Variants in HINT3 observed in about 807,000 individuals in gnomAD.
The protein encoded by HINT3 is adenosine 5'-monophosphoramidase HINT3.
In HINT3, 16 loss-of-function variants were observed where a neutral mutation model predicts 19.1. That is an observed-to-expected ratio of 0.84 (90% CI 0.57 to 1.27). The LOEUF (loss-of-function observed/expected upper bound fraction) is 1.27. HINT3 is among the 50% of genes most tolerant of loss of function. HINT3 has a pLI of 0.00. For synonymous variants in HINT3, 75 were observed against 84.8 expected, an observed-to-expected ratio of 0.88 and a Z score of 0.63; for missense variants, 197 against 225.8, an observed-to-expected ratio of 0.87 and a Z score of 0.82.
At position 125,956,869 on chromosome 6, in the gene HINT3, GC is replaced by G. The variant is rs1368834393; in HGVS notation, c.-108del. 4.4e-6 allele frequency: 5 copies of G among 1,125,104 alleles called. No individual in the cohort carries two copies. Among genetic ancestry groups the G allele is most frequent in the Non-Finnish European group, 2.5e-6 (2 of 796,082 alleles). The allele number at this position is 1,125,104 out of a possible 1,614,324, so 69.7% of individuals were successfully genotyped here. A position where few individuals can be genotyped will look rare whatever the true frequency, so the allele number is the denominator to read the frequency against. On this transcript the variant is annotated 5_prime_UTR_variant, in exon 1 of 5. Coordinates refer to ENST00000229633, the MANE Select transcript of HINT3 (RefSeq NM_138571.5). ...AGCCTGGATCACCGCCCAGCGTCAGGCGAGGGGCGACGTCTCGAGGTAAAAC... is the reference window on the plus strand; with the variant it reads ...AGCCTGGATCACCGCCCAGCGTCAGGGAGGGGCGACGTCTCGAGGTAAAAC...
At chr6:125,970,460 T>C (rs556101757) in intron 2 of HINT3, among the ~76,000 whole-genome samples, 1 of 152,216 alleles carries the variant, frequency 6.6e-6, no homozygotes, top group Middle Eastern at 3.2e-3. Flanking sequence ...GAGGCTGTTA[T>C]AACTAGTTTT....
In HINT3 at chr6:125,962,163, C is replaced by CACAT. The variant is rs1562211948; in HGVS notation, c.202-4723_202-4722insCATA. Among the ~76,000 whole-genome samples, 13 of 11,256 alleles carry CACAT rather than the reference C, an allele frequency of 1.2e-3. 1 individual carries two copies. Among genetic ancestry groups the CACAT allele is most frequent in the African/African-American group, 0.011 (11 of 964 alleles). 7.4% of individuals were successfully genotyped at this position (11,256 alleles called of 152,430 possible). ...GGATGGAAACCCATATATATATACA[C>CACAT]ATATATATATATATATATATATACA... is the stretch of plus-strand genomic sequence containing the variant. On this transcript the variant is annotated intron_variant, in intron 1 of 4. Coordinates refer to ENST00000229633, the MANE Select transcript of HINT3 (RefSeq NM_138571.5).
Position 125,974,958 on chromosome 6 carries a change from C to G in HINT3, c.501C>G (p.Ser167=). 2 of 1,613,828 alleles carry G rather than the reference C, an allele frequency of 1.2e-6. No homozygotes were observed. Among genetic ancestry groups the G allele is most frequent in the Non-Finnish European group, 1.7e-6 (2 of 1,179,824 alleles). The change falls in exon 4 of 5, where the codon TCC becomes TCG. Residue 167 remains serine, a synonymous_variant. Coordinates refer to ENST00000229633, the MANE Select transcript of HINT3 (RefSeq NM_138571.5). ...FLSKLVYRVN[S]YWFITADHLI... Reference sequence around the variant, plus strand: ...CCAAGTTGGTTTATAGAGTCAATTCCTATTGGTTTATCACAGTGAGTATTC... The same window carrying G: ...CCAAGTTGGTTTATAGAGTCAATTCGTATTGGTTTATCACAGTGAGTATTC...
At chr6:125,962,096 A>C (rs1156690376) in intron 1 of HINT3, among the ~76,000 whole-genome samples, 1 of 149,488 alleles carries the variant, frequency 6.7e-6, no homozygotes, top group African/African-American at 2.5e-5. Context: ...TGGTAACAAA[A>C]GACTGTAACA....
intron 1 of HINT3, among the ~76,000 whole-genome samples, chr6:125,958,301 A>G (rs1717540564): frequency 6.6e-6 from 1 of 152,184 alleles, no homozygotes; most frequent in Non-Finnish European, 1.5e-5. Context: ...GAGGCTGGAG[A>G]GGTAAACAAG....
chr6:125,961,924 A>G (rs1197940244), intron 1 of HINT3, among the ~76,000 whole-genome samples: 1 of 151,892 alleles, frequency 6.6e-6, no homozygotes, highest in Non-Finnish European at 1.5e-5. Context: ...TATGAGGCAG[A>G]ATCCCTTCAG....
Position 125,957,142 on chromosome 6 carries a change from G to T in HINT3, c.165G>T (p.Gly55=). The T allele has an allele frequency of 6.5e-7, 1 of 1,550,160 alleles. No individual in the cohort carries two copies. Among genetic ancestry groups the T allele is most frequent in the Non-Finnish European group, 8.7e-7 (1 of 1,146,574 alleles). Residue 55 remains glycine, a synonymous_variant, in exon 1 of 5, where the codon GGG becomes GGT. Coordinates refer to ENST00000229633, the MANE Select transcript of HINT3 (RefSeq NM_138571.5). ...CCTGCGTGTTCTGCCGGATCGCGGG[G>T]CGGCAGGACCCGGGCACCGAACTCC... ...DSTCVFCRIA[G]RQDPGTELLH... is the part of the protein sequence containing the mutation.
rs539526998 is a variant in HINT3 at position 125,972,396 on chromosome 6, A to G, written c.389+68A>G. ...ACGTTTTTCAAAATGTCATTTCTCCATGGAAAATGGAAACAGAGGTGGCAG... is the reference window on the plus strand; with the variant it reads ...ACGTTTTTCAAAATGTCATTTCTCCGTGGAAAATGGAAACAGAGGTGGCAG... On this transcript the variant is annotated intron_variant, in intron 3 of 4. Coordinates refer to ENST00000229633, the MANE Select transcript of HINT3 (RefSeq NM_138571.5). The G allele has an allele frequency of 7.7e-5, 72 of 939,038 alleles. No homozygotes were observed. In the African/African-American group the frequency reaches 1.2e-3, roughly 16 times the overall value. The allele number at this position is 939,038 out of a possible 1,614,324, so 58.2% of individuals were successfully genotyped here. A position where few individuals can be genotyped will look rare whatever the true frequency, so the allele number is the denominator to read the frequency against.
rs181030637 is a variant in HINT3 at position 125,977,601 on chromosome 6, G to T, written c.517-43G>T. 125 of 1,026,890 alleles carry T rather than the reference G, an allele frequency of 1.2e-4. No homozygotes were observed. The African/African-American group carries it at 1.9e-3, about 16-fold the overall frequency. The allele number at this position is 1,026,890 out of a possible 1,614,324, so 63.6% of individuals were successfully genotyped here. ...GATACCAGTAGAATTATTTGATAGA[G>T]ACTATGATATCTAGAATTAAAAAGT... On this transcript the variant is annotated intron_variant, in intron 4 of 4. Coordinates refer to ENST00000229633, the MANE Select transcript of HINT3 (RefSeq NM_138571.5).
At chr6:125,969,488 T>G (rs576428678) in intron 2 of HINT3, among the ~76,000 whole-genome samples, 2 of 152,206 alleles carry the variant, frequency 1.3e-5, no homozygotes, top group East Asian at 3.9e-4. Context: ...GCTACTTGGG[T>G]TTTTTGGTTT....
chr6:125,975,027 C>A, intron 4 of HINT3, 54 bp downstream of exon 4: 2 of 1,576,118 alleles, frequency 1.3e-6, no homozygotes, highest in Non-Finnish European at 1.7e-6. Context: ...ATATCCTTTT[C>A]ATTGTAGTTT....
chr6:125,958,938 G>A (rs142559594), intron 1 of HINT3, among the ~76,000 whole-genome samples: 119 of 152,308 alleles, frequency 7.8e-4, no homozygotes, highest in African/African-American at 2.7e-3. Flanking sequence ...AAATGAAAGA[G>A]GGTGAAGTCA....
chr6:125,957,245 G>T lies in HINT3; in HGVS notation c.201+67G>T, dbSNP rs1295704501. 6 of 1,456,214 alleles carry T rather than the reference G, an allele frequency of 4.1e-6. No homozygotes were observed. In the East Asian group the frequency reaches 1.0e-4, roughly 24 times the overall value. 90.2% of individuals were successfully genotyped at this position (1,456,214 alleles called of 1,614,324 possible). A position where few individuals can be genotyped will look rare whatever the true frequency, so the allele number is the denominator to read the frequency against. ...CGCCCCTCGGAGCTCCGGCAGGGAG[G>T]CCTCGCCGTTGTGGAGCGGGTGCAG... On this transcript the variant is annotated intron_variant, in intron 1 of 4. Transcript: ENST00000229633.
At chr6:125,975,287 A>G (rs1308377427) in intron 4 of HINT3, among the ~76,000 whole-genome samples, 1 of 152,118 alleles carries the variant, frequency 6.6e-6, no homozygotes, top group African/African-American at 2.4e-5. Context: ...TGCTTGCTTG[A>G]GGGTCCATGT....
Position 125,957,138 on chromosome 6 carries a change from CG to C in HINT3, c.165del (p.Arg56GlyfsTer16). The C allele has an allele frequency of 6.5e-7, 1 of 1,550,246 alleles. No homozygotes were observed. Among genetic ancestry groups the C allele is most frequent in the South Asian group, 1.2e-5 (1 of 84,052 alleles). ...YDSTCVFCRI[A>X]GRQDPGTELL... The stretch of plus-strand genomic sequence containing the variant: ...AGCACCTGCGTGTTCTGCCGGATCG[CG>C]GGGCGGCAGGACCCGGGCACCGAAC... On this transcript the variant is annotated frameshift_variant, in exon 1 of 5. Transcript: ENST00000229633. LOFTEE classifies it high-confidence loss of function.
chr6:125,972,263 GA>G lies in HINT3; in HGVS notation c.326del (p.Asn109ThrfsTer3). 1 of 1,573,792 alleles carries G rather than the reference GA, an allele frequency of 6.4e-7. No individual in the cohort carries two copies. The highest frequency in any genetic ancestry group is 8.6e-7 in the Non-Finnish European group (1 of 1,161,528). On this transcript the variant is annotated frameshift_variant, in exon 3 of 5. Transcript: ENST00000229633. LOFTEE classifies it high-confidence loss of function. ...TGTGTCTTTTCTGTTTTACAGTTGA[GA>G]ACATGGTAACTGTTGGAAAAACCAT... ...LRKDQVELVE[N>X]MVTVGKTILE...
Position 125,960,656 on chromosome 6 carries a change from G to GGGGGT in HINT3, c.201+3482_201+3483insTGGGG, listed in dbSNP as rs1004354195. 2.9e-4 allele frequency among the ~76,000 whole-genome samples: 20 copies of GGGGGT among 69,424 alleles called. 1 individual carries two copies. The highest frequency in any genetic ancestry group is 7.1e-4 in the Admixed American group (4 of 5,628). 45.5% of individuals were successfully genotyped at this position (69,424 alleles called of 152,430 possible). A position where few individuals can be genotyped will look rare whatever the true frequency, so the allele number is the denominator to read the frequency against. On this transcript the variant is annotated intron_variant, in intron 1 of 4. Transcript: ENST00000229633. ...TGGGTGACAGAGCAAGACTCTCTCT[G>GGGGGT]GGGGGGGGGAAAAAAAAAGAAGTTA...
intron 1 of HINT3, among the ~76,000 whole-genome samples, chr6:125,962,312 CAT>C (rs766700449): frequency 0.13 from 5,650 of 43,798 alleles, 1,014 homozygotes; most frequent in African/African-American, 0.29. Flanking sequence ...ATATATCACA[CAT>C]ATATATATAT....
intron 1 of HINT3, among the ~76,000 whole-genome samples, chr6:125,965,471 G>GT (rs1247084511): frequency 6.6e-6 from 1 of 152,112 alleles, no homozygotes; most frequent in Non-Finnish European, 1.5e-5. Flanking sequence ...AATTTTAATT[G>GT]TTTCTGAGCT....
Sources: gnomAD v4.1 joint callset for allele counts (sites outside exome capture counted in the v4.1 genomes callset) on GRCh38, gnomAD v4.1.1 for gene constraint, MANE v1.5 for transcripts, NCBI Gene and HGNC (gene_info 2026-07-23, HGNC 2026-07-21) for gene names.